Variants in SNX29 observed in about 807,000 individuals in gnomAD.
SNX29 encodes the protein sorting nexin-29.
SNX29 carries 78 observed loss-of-function variants against 102.1 expected under a neutral mutation model. The observed-to-expected ratio is 0.76, with a 90% CI of 0.64 to 0.92. The LOEUF (loss-of-function observed/expected upper bound fraction) is 0.92. Among genes scored for constraint, SNX29 ranks in the 40% least tolerant of loss-of-function variants. The pLI, the probability that SNX29 is intolerant of heterozygous loss-of-function variation, is 0.00. For synonymous variants in SNX29, 580 were observed against 414.5 expected (o/e 1.40, Z -4.85); for missense variants, 1,280 against 1,061.7 (o/e 1.21, Z -2.86).
At chr16:12,542,910 CT>C (rs2077407761) in intron 20 of SNX29, among the ~76,000 whole-genome samples, 1 of 152,152 alleles carries the variant, frequency 6.6e-6, no homozygotes, top group Non-Finnish European at 1.5e-5. Flanking sequence ...AGTAGGGAAT[CT>C]TTGCTTAGCA....
rs183504990 is a variant in SNX29 at position 12,573,648 on chromosome 16, C to G, written c.*5019C>G. ...CCATGAACGGCAAGGGGAACCACCA[C>G]TCATTCACTGTCAGTGTAGGTAAGA... On this transcript the variant is annotated 3_prime_UTR_variant, in exon 21 of 21. Transcript: ENST00000566228. 105 of 222,274 alleles carry G rather than the reference C, an allele frequency of 4.7e-4. 1 individual carries two copies. Among genetic ancestry groups the G allele is most frequent in the African/African-American group, 2.1e-3 (96 of 44,846 alleles). The allele number at this position is 222,274 out of a possible 1,614,324, so 13.8% of individuals were successfully genotyped here.
intron 16 of SNX29, among the ~76,000 whole-genome samples, chr16:12,386,918 A>C (rs573002696): frequency 9.5e-4 from 145 of 152,172 alleles, no homozygotes; most frequent in African/African-American, 3.3e-3. Context: ...TGAGGTCAGG[A>C]ATTCAAGACT....
intron 14 of SNX29, among the ~76,000 whole-genome samples, chr16:12,212,657 C>T (rs184794542): frequency 6.6e-6 from 1 of 152,168 alleles, no homozygotes; most frequent in African/African-American, 2.4e-5. Context: ...AATGTCTGTT[C>T]TTGTTTGCTT....
intron 14 of SNX29, among the ~76,000 whole-genome samples, chr16:12,238,411 C>T (rs1345598810): frequency 2.0e-5 from 3 of 151,930 alleles, no homozygotes; most frequent in African/African-American, 4.8e-5. Context: ...CTGCAGCCTC[C>T]GCCCCCCGAG....
chr16:12,441,216 T>C (rs2085793909), intron 18 of SNX29, among the ~76,000 whole-genome samples: 1 of 151,224 alleles, frequency 6.6e-6, no homozygotes, highest in Non-Finnish European at 1.5e-5. Flanking sequence ...GCCTCCCGAG[T>C]AGTTGGGACT....
At chr16:12,407,797 G>T (rs1251872184) in intron 18 of SNX29, among the ~76,000 whole-genome samples, 1 of 152,176 alleles carries the variant, frequency 6.6e-6, no homozygotes, top group African/African-American at 2.4e-5. Context: ...GTTACTGAAG[G>T]AGGGCTGAAT....
At chr16:12,103,978 C>T (rs369516007) in intron 11 of SNX29, among the ~76,000 whole-genome samples, 8 of 152,094 alleles carry the variant, frequency 5.3e-5, no homozygotes, top group South Asian at 2.1e-4. Context: ...TTCTAGAATT[C>T]GCTGCTAAAA....
intron 20 of SNX29, among the ~76,000 whole-genome samples, chr16:12,540,879 T>C (rs991353154): frequency 3.3e-5 from 5 of 152,212 alleles, no homozygotes; most frequent in African/African-American, 1.2e-4. Flanking sequence ...TTTCCACTTC[T>C]GGACCCAGAG....
chr16:12,441,241 C>T (rs1365460161), intron 18 of SNX29, among the ~76,000 whole-genome samples: 4 of 152,084 alleles, frequency 2.6e-5, no homozygotes, highest in East Asian at 3.9e-4. Context: ...GCGCCTGCCA[C>T]TGCACCCGGC....
At chr16:12,008,340 G>T (rs2056528026) in intron 3 of SNX29, among the ~76,000 whole-genome samples, 3 of 152,058 alleles carry the variant, frequency 2.0e-5, no homozygotes, top group Admixed American at 2.0e-4. Context: ...CGCGATCTTG[G>T]CTCACCGCAA....
chr16:12,369,993 G>C (rs1365797501), intron 16 of SNX29, among the ~76,000 whole-genome samples: 1 of 152,144 alleles, frequency 6.6e-6, no homozygotes, highest in Non-Finnish European at 1.5e-5. Context: ...GAGGTGGGCT[G>C]ATCACCTGAG....
At chr16:12,567,825 C>A (rs897644977) in intron 20 of SNX29, among the ~76,000 whole-genome samples, 3 of 152,198 alleles carry the variant, frequency 2.0e-5, no homozygotes, top group African/African-American at 7.2e-5. Flanking sequence ...ACCCTCTGCT[C>A]TCACGGTGAA....
chr16:12,072,990 T>C (rs1369636780), intron 10 of SNX29, among the ~76,000 whole-genome samples: 3 of 152,240 alleles, frequency 2.0e-5, no homozygotes, highest in Non-Finnish European at 4.4e-5. Flanking sequence ...TGGTAGTTTG[T>C]ATTTCTGTGG....
chr16:12,533,750 T>G (rs1328264350), intron 20 of SNX29, among the ~76,000 whole-genome samples: 5 of 152,182 alleles, frequency 3.3e-5, no homozygotes, highest in Admixed American at 2.6e-4. Flanking sequence ...ATAAGTGAAT[T>G]AAGCCATTGA....
chr16:12,112,987 G>A (rs1352531341), intron 11 of SNX29, among the ~76,000 whole-genome samples: 2 of 152,222 alleles, frequency 1.3e-5, no homozygotes, highest in Non-Finnish European at 1.5e-5. Flanking sequence ...CAGCGTGGTG[G>A]ACTCTGAGTC....
In SNX29 at chr16:12,290,692, A is replaced by G. The variant is rs2079764905; in HGVS notation, c.1782+12656A>G. 2.6e-5 allele frequency among the ~76,000 whole-genome samples: 4 copies of G among 152,222 alleles called. 1 individual carries two copies. The South Asian group carries it at 6.2e-4, about 24-fold the overall frequency. ...TTCTTTTTGTAGACACATAGGACAG[A>G]TGCATTTCCTAGTCTCCTTTATGGG... On this transcript the variant is annotated intron_variant, in intron 15 of 20. Transcript: ENST00000566228.
intron 19 of SNX29, among the ~76,000 whole-genome samples, chr16:12,487,121 T>C (rs1430244562): frequency 6.6e-6 from 1 of 152,182 alleles, no homozygotes; most frequent in Non-Finnish European, 1.5e-5. Flanking sequence ...TTTATGAGGA[T>C]TGAAGGTGGT....
At chr16:12,336,496 C>T (rs1426066100) in intron 15 of SNX29, among the ~76,000 whole-genome samples, 3 of 152,174 alleles carry the variant, frequency 2.0e-5, no homozygotes, top group Non-Finnish European at 4.4e-5. Flanking sequence ...AAAATTTTTT[C>T]CCCTCAGAGA....
At chr16:12,450,322 G>C (rs965295816) in intron 18 of SNX29, among the ~76,000 whole-genome samples, 54 of 152,360 alleles carry the variant, frequency 3.5e-4, no homozygotes, top group African/African-American at 1.3e-3. Flanking sequence ...CTCTTGAGTG[G>C]TGGGGCTGTT....
Sources: gnomAD v4.1 joint callset for allele counts (sites outside exome capture counted in the v4.1 genomes callset) on GRCh38, gnomAD v4.1.1 for gene constraint, MANE v1.5 for transcripts, NCBI Gene and HGNC (gene_info 2026-07-23, HGNC 2026-07-21) for gene names.